The following CSMD1 variants were observed in gnomAD, a reference collection of about 807,000 sequenced individuals.
CSMD1 encodes the protein CUB and Sushi multiple domains 1.
Under a neutral mutation model 417.5 loss-of-function variants are expected in CSMD1, and 213 were observed. The observed-to-expected ratio is 0.51, with a 90% CI of 0.46 to 0.57. The LOEUF is 0.57. Among genes scored for constraint, CSMD1 ranks in the 20% least tolerant of loss-of-function variants. The pLI, the probability that CSMD1 is intolerant of heterozygous loss-of-function variation, is 0.00. For missense variants in CSMD1, 6,923 were observed against 4,529.7 expected (o/e 1.53, Z -15.17); for synonymous variants, 2,862 against 1,736.8 (o/e 1.65, Z -16.11).
chr8:3,795,133 C>A (rs188643698), intron 5 of CSMD1, among the ~76,000 whole-genome samples: 22 of 38,740 alleles, frequency 5.7e-4, no homozygotes, highest in African/African-American at 9.3e-4. Context: ...TCATGTACAG[C>A]TATAGATATC....
chr8:3,746,163 C>G (rs1797057538), intron 6 of CSMD1, among the ~76,000 whole-genome samples: 2 of 152,190 alleles, frequency 1.3e-5, no homozygotes, highest in Admixed American at 6.5e-5. Context: ...AAGAGCAGCT[C>G]AGGGCTGATA....
intron 37 of CSMD1, among the ~76,000 whole-genome samples, chr8:3,167,222 T>G (rs1440446141): frequency 2.0e-5 from 3 of 149,566 alleles, no homozygotes; most frequent in Non-Finnish European, 4.4e-5. Flanking sequence ...GAGGCGGAGG[T>G]TGCAGTGAGC....
intron 1 of CSMD1, among the ~76,000 whole-genome samples, chr8:4,958,700 T>C (rs1307622614): frequency 6.6e-6 from 1 of 152,158 alleles, no homozygotes; most frequent in Non-Finnish European, 1.5e-5. Flanking sequence ...ATAGACATAA[T>C]TAGATTTAGT....
chr8:3,306,711 G>C (rs935901265), intron 25 of CSMD1, among the ~76,000 whole-genome samples: 1 of 152,134 alleles, frequency 6.6e-6, no homozygotes, highest in African/African-American at 2.4e-5. Context: ...GATTGGTTAG[G>C]ACTGTGTGTC....
chr8:3,960,413 C>G (rs979704241), intron 5 of CSMD1, among the ~76,000 whole-genome samples: 2 of 152,114 alleles, frequency 1.3e-5, no homozygotes, highest in African/African-American at 2.4e-5. Flanking sequence ...AGACAGAAGA[C>G]TAGATAGTCC....
At chr8:4,986,435 G>C (rs895004479) in intron 1 of CSMD1, among the ~76,000 whole-genome samples, 1 of 152,168 alleles carries the variant, frequency 6.6e-6, no homozygotes, top group African/African-American at 2.4e-5. Context: ...TAGAGGCATA[G>C]ACATTCTTCA....
intron 5 of CSMD1, among the ~76,000 whole-genome samples, chr8:3,988,623 G>A (rs750042060): frequency 6.6e-6 from 1 of 152,272 alleles, no homozygotes; most frequent in Admixed American, 6.5e-5. Context: ...GGAGAGGAAC[G>A]TTTAATAGAT....
chr8:4,471,928 G>C (rs543137334), intron 2 of CSMD1, among the ~76,000 whole-genome samples: 1 of 152,014 alleles, frequency 6.6e-6, no homozygotes, highest in Non-Finnish European at 1.5e-5. Flanking sequence ...GAAATAACAG[G>C]GACTTTATAG....
intron 5 of CSMD1, among the ~76,000 whole-genome samples, chr8:3,756,330 G>C (rs1441872193): frequency 6.9e-6 from 1 of 145,126 alleles, no homozygotes; most frequent in East Asian, 2.0e-4. Context: ...TCCACCCTGG[G>C]CAACACACTG....
intron 3 of CSMD1, among the ~76,000 whole-genome samples, chr8:4,386,220 A>G (rs1213446745): frequency 6.6e-6 from 1 of 151,390 alleles, no homozygotes; most frequent in Admixed American, 6.6e-5. Flanking sequence ...TATGACTTCC[A>G]TCCAACTCAA....
At chr8:3,677,023 G>T (rs541969444) in intron 7 of CSMD1, among the ~76,000 whole-genome samples, 2 of 152,234 alleles carry the variant, frequency 1.3e-5, no homozygotes, top group Non-Finnish European at 2.9e-5. Context: ...GGCAAGGGGA[G>T]GGAGAGCATT....
intron 3 of CSMD1, among the ~76,000 whole-genome samples, chr8:4,364,447 T>G (rs1043938373): frequency 6.6e-6 from 1 of 152,182 alleles, no homozygotes; most frequent in Non-Finnish European, 1.5e-5. Flanking sequence ...TCATGTTTTT[T>G]CCAAAGTAAT....
chr8:3,942,192 T>C (rs918522232), intron 5 of CSMD1, among the ~76,000 whole-genome samples: 3 of 151,940 alleles, frequency 2.0e-5, no homozygotes, highest in Admixed American at 6.6e-5. Flanking sequence ...TCCCACTGAT[T>C]CTACATTATG....
At chr8:4,508,760 CAT>C (rs964382225) in intron 2 of CSMD1, among the ~76,000 whole-genome samples, 3 of 152,052 alleles carry the variant, frequency 2.0e-5, no homozygotes, top group Admixed American at 2.0e-4. Flanking sequence ...GTAAAACACT[CAT>C]AAATTATTTC....
intron 3 of CSMD1, among the ~76,000 whole-genome samples, chr8:4,213,337 A>G (rs988484951): frequency 1.3e-5 from 2 of 152,060 alleles, no homozygotes; most frequent in Non-Finnish European, 2.9e-5. Flanking sequence ...CAATTCAGAG[A>G]GTTTCTCAAG....
intron 2 of CSMD1, among the ~76,000 whole-genome samples, chr8:4,573,639 G>T (rs889452802): frequency 6.6e-6 from 1 of 152,084 alleles, no homozygotes; most frequent in African/African-American, 2.4e-5. Context: ...CCTTAGCAGA[G>T]CTTGAGTGCT....
intron 3 of CSMD1, among the ~76,000 whole-genome samples, chr8:4,310,307 G>C (rs1047717649): frequency 2.6e-5 from 4 of 152,120 alleles, no homozygotes; most frequent in Non-Finnish European, 5.9e-5. Flanking sequence ...TTATGGGTGG[G>C]TGTGGAAGGG....
rs141673348 is a variant in CSMD1, at chr8:4,168,378, G to C, written c.416-136279C>G. ...GCCACTGTACTCAGTCTTGGTGACA[G>C]AGTGAGACCCTTACTCTCTCTCTCA... is the stretch of plus-strand genomic sequence containing the variant. On this transcript the variant is annotated intron_variant, in intron 3 of 69. Transcript: ENST00000635120. 3.1e-3 allele frequency among the ~76,000 whole-genome samples: 473 copies of C among 152,024 alleles called. 3 individuals carry two copies. Among genetic ancestry groups the C allele is most frequent in the Non-Finnish European group, 5.0e-3 (341 of 67,996 alleles).
At chr8:4,829,676 G>A (rs1800032955) in intron 1 of CSMD1, among the ~76,000 whole-genome samples, 1 of 150,174 alleles carries the variant, frequency 6.7e-6, no homozygotes, top group African/African-American at 2.5e-5. Flanking sequence ...GGATGTGGGA[G>A]CTTCAGTGAC....
Sources: gnomAD v4.1 joint callset for allele counts (sites outside exome capture counted in the v4.1 genomes callset) on GRCh38, gnomAD v4.1.1 for gene constraint, MANE v1.5 for transcripts, NCBI Gene and HGNC (gene_info 2026-07-23, HGNC 2026-07-21) for gene names.